DOCK3: variants seen among roughly 807,000 people sequenced by gnomAD.
The protein encoded by DOCK3 is dedicator of cytokinesis 3, also known as dedicator of cytokinesis protein 3.
DOCK3 carries 60 observed loss-of-function variants against 265.6 expected under a neutral mutation model. That is an observed-to-expected ratio of 0.23 (90% confidence interval 0.18 to 0.28). The LOEUF (loss-of-function observed/expected upper bound fraction) is 0.28, where lower values mean the gene tolerates loss of function less well. Ranked by LOEUF, DOCK3 falls within the 10% of genes least tolerant of loss-of-function variation. The pLI is 1.00. For synonymous variants in DOCK3, 881 were observed against 938.0 expected (o/e 0.94, Z 1.11); for missense variants, 1,981 against 2,594.3 (o/e 0.76, Z 5.14).
In DOCK3 at chr3:50,675,444, A is replaced by AGGTGCG. The variant is rs924052569; in HGVS notation, c.37+165_37+170dup. On this transcript the variant is annotated intron_variant, in intron 1 of 52. Transcript: ENST00000266037. The surrounding 1 kb of genome is among the most constrained non-coding windows in gnomAD (Gnocchi z 6.1). The stretch of plus-strand genomic sequence containing the variant: ...CGCGGGGCGAGCGCGGGGTGGGGGC[A>AGGTGCG]GGTGCGGGTGCGGGTGCGGGTGCGG... 118 of 650,512 alleles carry AGGTGCG rather than the reference A, an allele frequency of 1.8e-4. No individual in the cohort carries two copies. The highest frequency in any genetic ancestry group is 4.6e-4 in the African/African-American group (23 of 50,032). The allele number at this position is 650,512 out of a possible 1,614,324, so 40.3% of individuals were successfully genotyped here.
chr3:51,301,855 G>A (rs1195624040), intron 27 of DOCK3, among the ~76,000 whole-genome samples: 1 of 152,090 alleles, frequency 6.6e-6, no homozygotes, highest in Non-Finnish European at 1.5e-5. Flanking sequence ...TTCCAATTAT[G>A]TTATCAATTT....
At chr3:51,139,967 A>G (rs1489265344) in intron 9 of DOCK3, among the ~76,000 whole-genome samples, 1 of 152,226 alleles carries the variant, frequency 6.6e-6, no homozygotes, top group African/African-American at 2.4e-5. Context: ...GTGAGATGAG[A>G]TGGGGCTGTA....
chr3:51,260,153 C>T lies in DOCK3; in HGVS notation c.2185-3C>T. ...CCATCACTTTTTCTCCCACACTTTT[C>T]AGGCCTTGGAGTACCTTTTCAAGTT... On this transcript the variant is annotated splice_polypyrimidine_tract_variant and splice_region_variant and intron_variant, in intron 22 of 52. Transcript: ENST00000266037. 6.2e-7 allele frequency: 1 copy of T among 1,611,438 alleles called. No homozygotes were observed. The highest frequency in any genetic ancestry group is 8.5e-7 in the Non-Finnish European group (1 of 1,178,556).
chr3:50,760,405 A>C (rs933394999), intron 1 of DOCK3, among the ~76,000 whole-genome samples: 1 of 152,152 alleles, frequency 6.6e-6, no homozygotes, highest in East Asian at 1.9e-4. Context: ...GGACTTTACT[A>C]TGGTGCAAAA....
intron 27 of DOCK3, among the ~76,000 whole-genome samples, chr3:51,294,810 G>A (rs940980227): frequency 6.6e-6 from 1 of 152,144 alleles, no homozygotes; most frequent in Non-Finnish European, 1.5e-5. Context: ...CAAAGTTTCA[G>A]TTCAGGTGTT....
chr3:51,211,803 T>C (rs1318504871), intron 13 of DOCK3, among the ~76,000 whole-genome samples: 2 of 152,220 alleles, frequency 1.3e-5, no homozygotes, highest in Non-Finnish European at 1.5e-5. Flanking sequence ...CTATTGTGAA[T>C]AGTGCCACAA....
chr3:51,356,558 C>A (rs1323028021), intron 43 of DOCK3, 65 bp downstream of exon 43: 1 of 1,520,198 alleles, frequency 6.6e-7, no homozygotes, highest in Non-Finnish European at 9.1e-7. Context: ...TCTGGGGGCC[C>A]TTCTCTAAGG....
chr3:51,333,330 A>G, intron 35 of DOCK3, 77 bp downstream of exon 35: 1 of 1,398,968 alleles, frequency 7.1e-7, no homozygotes, highest in Non-Finnish European at 1.0e-6. Flanking sequence ...CTGACCTGAA[A>G]ACTGAGACCA....
chr3:51,357,669 A>G, intron 44 of DOCK3, 89 bp from the exon 45 acceptor site: 1 of 1,306,510 alleles, frequency 7.7e-7, no homozygotes, highest in Non-Finnish European at 1.1e-6. Flanking sequence ...GCTGCTTTTT[A>G]GGTGGCATTA....
chr3:51,087,322 T>G (rs1317959845), intron 7 of DOCK3, among the ~76,000 whole-genome samples: 4 of 152,234 alleles, frequency 2.6e-5, no homozygotes, highest in Non-Finnish European at 2.9e-5. Flanking sequence ...GATGCAAGCG[T>G]GGTTCAACAT....
At chr3:50,787,928 A>G in intron 2 of DOCK3, 1 of 1,027,386 alleles carries the variant, frequency 9.7e-7, no homozygotes, top group Non-Finnish European at 1.5e-6. Context: ...CTCCACTATG[A>G]TCTGCTCCCT....
chr3:50,729,354 T>A (rs889492628), intron 1 of DOCK3, among the ~76,000 whole-genome samples: 51 of 36,454 alleles, frequency 1.4e-3, no homozygotes, highest in African/African-American at 6.5e-3. Flanking sequence ...TTTTTATTTT[T>A]ATTTTATTTA....
intron 32 of DOCK3, among the ~76,000 whole-genome samples, chr3:51,325,558 C>A (rs548590184): frequency 1.4e-4 from 21 of 152,332 alleles, no homozygotes; most frequent in African/African-American, 5.1e-4. Context: ...AATCACATTA[C>A]TGGCTATATA....
At chr3:50,765,255 T>C (rs2040802704) in intron 1 of DOCK3, among the ~76,000 whole-genome samples, 1 of 151,790 alleles carries the variant, frequency 6.6e-6, no homozygotes, top group African/African-American at 2.4e-5. Flanking sequence ...CTAATTTTTT[T>C]GAATTTTTAG....
intron 1 of DOCK3, among the ~76,000 whole-genome samples, chr3:50,718,021 A>C (rs1054987503): frequency 6.6e-6 from 1 of 152,234 alleles, no homozygotes; most frequent in Non-Finnish European, 1.5e-5. Context: ...GTATATCAGA[A>C]TATCTAAATG....
At chr3:51,360,487 G>A (rs1018216437) in intron 46 of DOCK3, 24 bp from the exon 47 acceptor site, 4 of 1,601,652 alleles carry the variant, frequency 2.5e-6, no homozygotes, top group Non-Finnish European at 3.4e-6. Flanking sequence ...TACTCTCTAT[G>A]AAGGGGCATT....
chr3:51,067,456 T>TGTGTGTGTGCGCGC (rs1553750450), intron 6 of DOCK3, among the ~76,000 whole-genome samples: 1 of 150,232 alleles, frequency 6.7e-6, no homozygotes, highest in African/African-American at 2.5e-5. Context: ...TGTGTGTGTG[T>TGTGTGTGTGCGCGC]GCGCGCGCGT....
At chr3:51,042,350 A>G (rs1426800836) in intron 5 of DOCK3, among the ~76,000 whole-genome samples, 1 of 152,228 alleles carries the variant, frequency 6.6e-6, no homozygotes, top group Non-Finnish European at 1.5e-5. Flanking sequence ...TTATCTCAAT[A>G]GATGCAGAAA....
At chr3:51,179,011 C>T (rs1276332472) in intron 12 of DOCK3, among the ~76,000 whole-genome samples, 1 of 152,266 alleles carries the variant, frequency 6.6e-6, no homozygotes, top group East Asian at 1.9e-4. Context: ...TGCTCTCTTG[C>T]CTTTAAATAG....
Sources: gnomAD v4.1 joint callset for allele counts (sites outside exome capture counted in the v4.1 genomes callset) on GRCh38, gnomAD v4.1.1 for gene constraint, Gnocchi (gnomAD v3.1) non-coding constraint, MANE v1.5 for transcripts, NCBI Gene and HGNC (gene_info 2026-07-23, HGNC 2026-07-21) for gene names.